Variants in RIMBP2 observed in about 807,000 individuals in gnomAD.
RIMBP2 encodes RIMS-binding protein 2.
A neutral mutation model predicts 118.6 loss-of-function variants in RIMBP2; 48 were observed. That is an observed-to-expected ratio of 0.40 (90% CI 0.32 to 0.51). The LOEUF (loss-of-function observed/expected upper bound fraction) is 0.51. RIMBP2 is among the 20% of genes least tolerant of loss of function. The pLI is 0.41. For missense variants in RIMBP2, 1,551 were observed against 1,768.3 expected (o/e 0.88, Z 2.20); for synonymous variants, 762 against 742.9 (o/e 1.03, Z -0.42).
chr12:130,695,263 C>T (rs1191163222), intron 1 of RIMBP2, among the ~76,000 whole-genome samples: 1 of 152,150 alleles, frequency 6.6e-6, no homozygotes, highest in East Asian at 1.9e-4. Context: ...ACTCTGTTAG[C>T]TTCCAGCTGC....
At chr12:130,514,125 G>A (rs2051192738) in intron 3 of RIMBP2, among the ~76,000 whole-genome samples, 1 of 152,230 alleles carries the variant, frequency 6.6e-6, no homozygotes, top group African/African-American at 2.4e-5. Context: ...TGGAAGGAAA[G>A]CCAAGCTCCG....
At chr12:130,631,893 A>G (rs2140960972) in intron 1 of RIMBP2, among the ~76,000 whole-genome samples, 3 of 152,310 alleles carry the variant, frequency 2.0e-5, no homozygotes, top group Middle Eastern at 6.8e-3. Flanking sequence ...CACAAAAGAA[A>G]GCATGCTTGT....
At chr12:130,649,386 C>T (rs1402750113) in intron 1 of RIMBP2, among the ~76,000 whole-genome samples, 3 of 152,254 alleles carry the variant, frequency 2.0e-5, no homozygotes, top group African/African-American at 7.2e-5. Context: ...CCTGGGGCCT[C>T]ATGGCCTCCG....
At chr12:130,464,332 G>C (rs2080265689) in intron 6 of RIMBP2, among the ~76,000 whole-genome samples, 1 of 152,216 alleles carries the variant, frequency 6.6e-6, no homozygotes, top group Non-Finnish European at 1.5e-5. Context: ...GAAACAAATT[G>C]TCCCATGTGC....
Position 130,428,274 on chromosome 12 carries a change from T to C in RIMBP2, c.2317A>G (p.Ile773Val), listed in dbSNP as rs749079167. 2 of 1,613,578 alleles carry C rather than the reference T, an allele frequency of 1.2e-6. No homozygotes were observed. The highest frequency in any genetic ancestry group is 1.7e-5 in the Admixed American group (1 of 59,940). Residue 773 changes from isoleucine to valine, a missense_variant, in exon 15 of 23, where the codon ATC becomes GTC. Transcript: ENST00000690449. The stretch of plus-strand genomic sequence containing the variant: ...AGCTCCTCCTCGTCCTCCTCCATGA[T>C]GTCTGAGAGGTCAGACCCCCGGCTG... The part of the protein sequence containing the change: ...ESSRGSDLSD[I>V]MEEDEEELYS...
At chr12:130,561,485 T>A (rs1007949968) in intron 2 of RIMBP2, among the ~76,000 whole-genome samples, 1 of 152,122 alleles carries the variant, frequency 6.6e-6, no homozygotes, top group African/African-American at 2.4e-5. Flanking sequence ...CAAACCCAAT[T>A]TCCACCTTCT....
At chr12:130,695,609 C>T (rs888319864) in intron 1 of RIMBP2, among the ~76,000 whole-genome samples, 20 of 152,100 alleles carry the variant, frequency 1.3e-4, no homozygotes, top group South Asian at 2.1e-4. Flanking sequence ...TCATTCCAAG[C>T]GGGCAGGAAA....
At chr12:130,467,740 C>A (rs551445929) in intron 6 of RIMBP2, among the ~76,000 whole-genome samples, 2 of 152,124 alleles carry the variant, frequency 1.3e-5, no homozygotes, top group Non-Finnish European at 2.9e-5. Context: ...CTTTCCAGAC[C>A]GAACCAATGT....
At chr12:130,686,886 G>A (rs935655773) in intron 1 of RIMBP2, among the ~76,000 whole-genome samples, 2 of 152,214 alleles carry the variant, frequency 1.3e-5, no homozygotes, top group African/African-American at 4.8e-5. Context: ...AGAAGGCAGC[G>A]GGGAGAGAAC....
chr12:130,551,316 A>C (rs1458337642), intron 2 of RIMBP2, among the ~76,000 whole-genome samples: 4 of 152,202 alleles, frequency 2.6e-5, no homozygotes, highest in Admixed American at 2.6e-4. Flanking sequence ...GCAGGAAAAC[A>C]ATTCATATAA....
intron 1 of RIMBP2, among the ~76,000 whole-genome samples, chr12:130,715,645 A>G (rs1379774796): frequency 2.0e-5 from 3 of 152,178 alleles, no homozygotes; most frequent in African/African-American, 7.2e-5. Flanking sequence ...ACATTATTCA[A>G]GTCAGTCCAT....
Position 130,703,081 on chromosome 12 carries a change from A to G in RIMBP2, c.-352+13141T>C, listed in dbSNP as rs982219190. 2.0e-5 allele frequency among the ~76,000 whole-genome samples: 3 copies of G among 152,272 alleles called. No individual in the cohort carries two copies. The highest frequency in any genetic ancestry group is 4.4e-5 in the Non-Finnish European group (3 of 68,026). On this transcript the variant is annotated intron_variant, in intron 1 of 22. Coordinates refer to ENST00000690449, the MANE Select transcript of RIMBP2 (RefSeq NM_001393629.1). This position sits in a 1 kb window ranked among gnomAD's most constrained non-coding sequence, Gnocchi z 5.7. ...GTTCATTAGAACAGGATTTTCCTGTAATGCCTCCAGGTCACCAGGTCACTG... is the reference window on the plus strand; with the variant it reads ...GTTCATTAGAACAGGATTTTCCTGTGATGCCTCCAGGTCACCAGGTCACTG...
intron 21 of RIMBP2, among the ~76,000 whole-genome samples, chr12:130,402,575 C>T (rs1166799347): frequency 6.6e-6 from 1 of 152,188 alleles, no homozygotes; most frequent in Non-Finnish European, 1.5e-5. Context: ...TTCACCTTGA[C>T]CTTTCCCTCC....
At chr12:130,494,568 G>C (rs1379878618) in intron 4 of RIMBP2, among the ~76,000 whole-genome samples, 1 of 151,898 alleles carries the variant, frequency 6.6e-6, no homozygotes, top group Non-Finnish European at 1.5e-5. Flanking sequence ...GAACCCAGGA[G>C]GCAGAGTTTG....
chr12:130,671,567 G>T (rs2064197701), intron 1 of RIMBP2, among the ~76,000 whole-genome samples: 1 of 152,162 alleles, frequency 6.6e-6, no homozygotes, highest in South Asian at 2.1e-4. Flanking sequence ...CCACCCCAAA[G>T]ATTTGTTCAA....
intron 14 of RIMBP2, chr12:130,428,571 C>A (rs12821855): frequency 0.2 from 77,809 of 381,322 alleles, 8,317 homozygotes; most frequent in East Asian, 0.32. Context: ...TCAGCTCCAA[C>A]AGGTACAGAA....
intron 17 of RIMBP2, chr12:130,414,617 G>A: frequency 4.2e-6 from 1 of 236,650 alleles, no homozygotes; most frequent in South Asian, 9.4e-5. Flanking sequence ...GGGCAGGATG[G>A]CCCATGCTGG....
intron 1 of RIMBP2, among the ~76,000 whole-genome samples, chr12:130,704,697 C>CTCAT (rs1247235838): frequency 6.6e-6 from 1 of 152,198 alleles, no homozygotes; most frequent in East Asian, 1.9e-4. Context: ...CCTCCGTGGA[C>CTCAT]TCATAACCCC....
intron 1 of RIMBP2, among the ~76,000 whole-genome samples, chr12:130,711,908 G>T (rs1949944986): frequency 6.6e-6 from 1 of 152,260 alleles, no homozygotes; most frequent in South Asian, 2.1e-4. Context: ...CGATGGGCAA[G>T]CCCATTGCTT....
Sources: allele counts gnomAD v4.1 joint callset (sites outside exome capture counted in the v4.1 genomes callset), GRCh38; gene constraint gnomAD v4.1.1; non-coding constraint Gnocchi (gnomAD v3.1); transcripts MANE v1.5; gene names NCBI Gene and HGNC (gene_info 2026-07-23, HGNC 2026-07-21).